Variants in DDC observed in about 807,000 individuals in gnomAD.
DDC encodes the protein aromatic-L-amino-acid decarboxylase.
In DDC, 43 loss-of-function variants were observed where a neutral mutation model predicts 60.0. That is an observed-to-expected ratio of 0.72 (90% CI 0.56 to 0.92). The LOEUF (loss-of-function observed/expected upper bound fraction) is 0.92, where lower values mean the gene tolerates loss of function less well. DDC is among the 40% of genes least tolerant of loss of function. DDC has a pLI of 0.00. For synonymous variants in DDC, 232 were observed against 234.6 expected, an observed-to-expected ratio of 0.99 and a Z score of 0.10; for missense variants, 573 against 620.2, an observed-to-expected ratio of 0.92 and a Z score of 0.81.
chr7:50,509,700 T>G (rs2043496170), intron 6 of DDC, among the ~76,000 whole-genome samples: 1 of 152,270 alleles, frequency 6.6e-6, no homozygotes. Context: ...GTGCCTGTAT[T>G]ACTTGGCACT....
intron 3 of DDC, among the ~76,000 whole-genome samples, chr7:50,539,611 G>C (rs1280086038): frequency 1.3e-5 from 2 of 152,202 alleles, no homozygotes; most frequent in Admixed American, 6.5e-5. Context: ...GAGAAATGCA[G>C]ATTCCCAGGT....
chr7:50,487,842 A>G (rs2042918265), intron 9 of DDC, among the ~76,000 whole-genome samples: 1 of 152,176 alleles, frequency 6.6e-6, no homozygotes, highest in Admixed American at 6.5e-5. Context: ...TTATTGGTCA[A>G]GTAGTTTTAT....
chr7:50,459,105 C>A (rs939076014), intron 14 of DDC, among the ~76,000 whole-genome samples: 9 of 152,256 alleles, frequency 5.9e-5, no homozygotes, highest in Non-Finnish European at 1.2e-4. Context: ...TGCAGGCGCG[C>A]ACCACCACGC....
intron 6 of DDC, among the ~76,000 whole-genome samples, chr7:50,525,609 C>G (rs149140856): frequency 0.03 from 4,520 of 151,812 alleles, 96 homozygotes; most frequent in East Asian, 0.078. Context: ...ACTAGAAATA[C>G]AAAAATTAGC....
At chr7:50,538,110 A>G (rs2044479511) in intron 3 of DDC, 131 bp from the exon 4 acceptor site, 1 of 1,114,672 alleles carries the variant, frequency 9.0e-7, no homozygotes, top group Non-Finnish European at 1.3e-6. Context: ...TGTGATTCAA[A>G]GGCCTGAAGG....
In DDC at chr7:50,529,281, C is replaced by T. The variant is rs767557648; in HGVS notation, c.497G>A (p.Arg166Gln). 12 of 1,614,090 alleles carry T rather than the reference C, an allele frequency of 7.4e-6. No homozygotes were observed. The highest frequency in any genetic ancestry group is 3.3e-5 in the South Asian group (3 of 91,072). ...GAGCTCTGGGGACGCTGCCTGCAGC[C>T]GATGGATCACTTTGGTCCGAGCGGC... ...LLAARTKVIH[R>Q]LQAASPELTQ... The change falls in exon 5 of 15, where the codon CGG becomes CAG. Residue 166 changes from arginine (R) to glutamine (Q), a missense_variant. Arg to Gln is a conservative substitution (Grantham distance 43, BLOSUM62 1). Transcript: ENST00000444124.
chr7:50,467,137 A>G, intron 13 of DDC, 77 bp downstream of exon 13: 1 of 1,285,506 alleles, frequency 7.8e-7, no homozygotes, highest in African/African-American at 1.5e-5. Flanking sequence ...CCAGTGTTTG[A>G]GCATGGAGGT....
At chr7:50,558,838 G>A (rs2045264639) in intron 1 of DDC, among the ~76,000 whole-genome samples, 1 of 152,176 alleles carries the variant, frequency 6.6e-6, no homozygotes, top group African/African-American at 2.4e-5. Context: ...GGTGGTGCCT[G>A]CAACCCAGAG....
At chr7:50,545,270 A>G (rs769081003) in intron 1 of DDC, among the ~76,000 whole-genome samples, 20 of 152,356 alleles carry the variant, frequency 1.3e-4, no homozygotes, top group Admixed American at 3.9e-4. Context: ...CAAAAGCACC[A>G]TGAGTATTGA....
At chr7:50,539,404 A>G (rs2044530591) in intron 3 of DDC, among the ~76,000 whole-genome samples, 1 of 152,124 alleles carries the variant, frequency 6.6e-6, no homozygotes, top group South Asian at 2.1e-4. Flanking sequence ...ACCTCCAGAT[A>G]GGGTGGGACT....
chr7:50,512,361 G>T (rs1674189075), intron 6 of DDC, among the ~76,000 whole-genome samples: 1 of 152,196 alleles, frequency 6.6e-6, no homozygotes, highest in African/African-American at 2.4e-5. Flanking sequence ...CAGGAAATCT[G>T]TCTCCCAGCT....
intron 6 of DDC, among the ~76,000 whole-genome samples, chr7:50,509,799 T>G (rs1352645435): frequency 1.3e-5 from 2 of 152,170 alleles, no homozygotes; most frequent in Non-Finnish European, 2.9e-5. Context: ...AAAGAAACTT[T>G]TGGTATAAAT....
At chr7:50,505,832 C>A (rs74987058) in intron 6 of DDC, among the ~76,000 whole-genome samples, 1 of 152,258 alleles carries the variant, frequency 6.6e-6, no homozygotes, top group East Asian at 1.9e-4. Context: ...GGGAGTCAGT[C>A]CCCCAAGGGG....
At chr7:50,529,929 A>G (rs1982406) in intron 4 of DDC, among the ~76,000 whole-genome samples, 100,902 of 151,840 alleles carry the variant, frequency 0.66, 34,346 homozygotes, top group East Asian at 0.8. Context: ...GAGGTAATTA[A>G]AAGAAAATGG....
At chr7:50,504,244 C>T (rs1194017342) in intron 6 of DDC, among the ~76,000 whole-genome samples, 185 bp from the exon 7 acceptor site, 1 of 152,156 alleles carries the variant, frequency 6.6e-6, no homozygotes, top group Non-Finnish European at 1.5e-5. Context: ...AGCATCATAA[C>T]AGGTTAAGAG....
intron 8 of DDC, among the ~76,000 whole-genome samples, chr7:50,495,914 T>C (rs1487013119): frequency 6.6e-6 from 1 of 152,246 alleles, no homozygotes; most frequent in African/African-American, 2.4e-5. Flanking sequence ...TCCTTCCACT[T>C]GCTGAGCTAG....
chr7:50,459,915 A>G (rs75826179), intron 14 of DDC, among the ~76,000 whole-genome samples: 83,193 of 128,214 alleles, frequency 0.65, 27,130 homozygotes, highest in Admixed American at 0.73. Context: ...CAGCCGCCCC[A>G]TCCAGGAGGG....
chr7:50,559,556 T>A, intron 1 of DDC, among the ~76,000 whole-genome samples: 1 of 151,926 alleles, frequency 6.6e-6, no homozygotes. Context: ...GCCCCCTGAG[T>A]AACTGGGACT....
intron 6 of DDC, among the ~76,000 whole-genome samples, chr7:50,509,637 A>G (rs2043494706): frequency 6.6e-6 from 1 of 152,184 alleles, no homozygotes; most frequent in African/African-American, 2.4e-5. Context: ...AAAATCGTAA[A>G]TTACTTCCTC....
Sources: allele counts gnomAD v4.1 joint callset (sites outside exome capture counted in the v4.1 genomes callset), GRCh38; gene constraint gnomAD v4.1.1; transcripts MANE v1.5; gene names NCBI Gene and HGNC (gene_info 2026-07-23, HGNC 2026-07-21).